DCAF8L2: variants seen among roughly 807,000 people sequenced by gnomAD.
DCAF8L2 encodes the protein DDB1- and CUL4-associated factor 8-like protein 2.
For missense variants in DCAF8L2, 430 were observed against 490.7 expected (o/e 0.88, Z 1.17); for synonymous variants, 200 against 190.9 (o/e 1.05, Z -0.39).
At chrX:27,568,833 C>A in the DCAF8L2 span, among the ~76,000 whole-genome samples, 1 of 107,196 alleles carries the variant, frequency 9.3e-6, no homozygotes, top group South Asian at 4.3e-4. Context: ...CCCCCCACCC[C>A]ACAACAGGCC....
intron 1 of DCAF8L2, among the ~76,000 whole-genome samples, chrX:27,620,645 A>G (rs2147154317): frequency 8.9e-6 from 1 of 112,283 alleles, no homozygotes; most frequent in South Asian, 3.7e-4. Context: ...CAGGGTAGCT[A>G]CTATAAAACA....
intron 4 of DCAF8L2, among the ~76,000 whole-genome samples, chrX:27,740,022 T>C (rs1414887110): frequency 9.0e-6 from 1 of 111,142 alleles, no homozygotes; most frequent in African/African-American, 3.3e-5. Context: ...CCCCTTTTCG[T>C]CTCAGGTTTT....
chrX:27,561,885 A>G, the DCAF8L2 span, among the ~76,000 whole-genome samples: 1 of 111,945 alleles, frequency 8.9e-6, no homozygotes, highest in African/African-American at 3.2e-5. Context: ...GAACATTTCA[A>G]TACAAGTTTT....
At chrX:27,656,694 AT>A (rs1929366415) in intron 2 of DCAF8L2, among the ~76,000 whole-genome samples, 1 of 111,694 alleles carries the variant, frequency 9.0e-6, no homozygotes, top group Non-Finnish European at 1.9e-5. Context: ...ACAAAATAAT[AT>A]TCTTTTCTTA....
chrX:27,584,490 T>G, the DCAF8L2 span, among the ~76,000 whole-genome samples: 4 of 52,828 alleles, frequency 7.6e-5, no homozygotes, highest in Non-Finnish European at 1.3e-4. Flanking sequence ...CTGAATATGC[T>G]CAATAATCCC....
chrX:27,514,453 A>C, the DCAF8L2 span, among the ~76,000 whole-genome samples: 9 of 108,292 alleles, frequency 8.3e-5, no homozygotes, highest in Non-Finnish European at 1.7e-4. Context: ...GCGGATCACG[A>C]GGTCAGGAGA....
the DCAF8L2 span, among the ~76,000 whole-genome samples, chrX:27,547,321 G>A: frequency 0.096 from 10,689 of 111,401 alleles, 407 homozygotes; most frequent in Non-Finnish European, 0.12. Context: ...GTCTTCTTCT[G>A]AGCCCTCCAA....
chrX:27,611,810 A>G (rs1422279528), intron 1 of DCAF8L2, among the ~76,000 whole-genome samples: 1 of 111,167 alleles, frequency 9.0e-6, no homozygotes. Context: ...TCCATGGTGT[A>G]TATGTGCCAC....
intron 1 of DCAF8L2, among the ~76,000 whole-genome samples, chrX:27,618,321 G>A (rs898944214): frequency 3.6e-5 from 4 of 111,182 alleles, no homozygotes; most frequent in Non-Finnish European, 5.7e-5. Context: ...ATGCTGCATG[G>A]GGGTAACACA....
intron 2 of DCAF8L2, chrX:27,632,683 G>A (rs1489909922): frequency 9.0e-6 from 1 of 111,002 alleles, no homozygotes. Flanking sequence ...CTTTGCTCAA[G>A]TCCCACCTCC....
intron 3 of DCAF8L2, among the ~76,000 whole-genome samples, chrX:27,713,597 T>C (rs1931600681): frequency 8.9e-6 from 1 of 111,868 alleles, no homozygotes; most frequent in African/African-American, 3.2e-5. Context: ...GAAGTAACAT[T>C]ATACATTGTT....
chrX:27,738,211 T>C (rs1289075010), intron 4 of DCAF8L2, among the ~76,000 whole-genome samples: 1 of 102,334 alleles, frequency 9.8e-6, no homozygotes, highest in East Asian at 2.8e-4. Context: ...ATTAAGGAAA[T>C]AGCTTGTAAG....
chrX:27,500,085 A>G, the DCAF8L2 span, among the ~76,000 whole-genome samples: 82 of 111,916 alleles, frequency 7.3e-4, no homozygotes, highest in African/African-American at 2.6e-3. Context: ...CTTCTAAAGT[A>G]TAGTTTTGCA....
chrX:27,581,636 T>C, the DCAF8L2 span, among the ~76,000 whole-genome samples: 1 of 106,477 alleles, frequency 9.4e-6, no homozygotes, highest in African/African-American at 3.4e-5. Flanking sequence ...CAGGCTGGAG[T>C]GCAGTGGCAC....
rs746674481 is a variant in DCAF8L2, at chrX:27,748,882, A to G, written c.*91A>G. 2.1e-3 allele frequency: 2,132 copies of G among 1,025,026 alleles called. 3 individuals are homozygous for G. Among genetic ancestry groups the G allele is most frequent in the Non-Finnish European group, 2.6e-3 (2,019 of 780,464 alleles). The allele number at this position is 1,025,026 out of a possible 1,213,427, so 84.5% of individuals were successfully genotyped here. A position where few individuals can be genotyped will look rare whatever the true frequency, so the allele number is the denominator to read the frequency against. On this transcript the variant is annotated 3_prime_UTR_variant, in exon 5 of 5. Transcript: ENST00000451261. Reference sequence around the variant, plus strand: ...AATTTAGAATTGTCAATAGATTAATAGATTTGCTTTTTGTCTTCTATTTTC... The same window carrying G: ...AATTTAGAATTGTCAATAGATTAATGGATTTGCTTTTTGTCTTCTATTTTC...
In DCAF8L2 at chrX:27,749,586, GC is replaced by G. The variant is rs1922462788; in HGVS notation, c.*796del. Among the ~76,000 whole-genome samples the G allele has an allele frequency of 1.8e-5, 2 of 112,013 alleles. No homozygotes were observed. Among genetic ancestry groups the G allele is most frequent in the Admixed American group, 9.5e-5 (1 of 10,528 alleles). ...GATCACATGACATTGTTTACTCTGT[GC>G]ATTAAGTTTTCTTGAAGTTTTAAGG... On this transcript the variant is annotated 3_prime_UTR_variant, in exon 5 of 5. Coordinates refer to ENST00000451261, the MANE Select transcript of DCAF8L2 (RefSeq NM_001353450.2).
Position 27,747,296 on chromosome X carries a change from AGGAG to A in DCAF8L2, c.403_406del (p.Glu135ArgfsTer30). 4 of 1,002,736 alleles carry A rather than the reference AGGAG, an allele frequency of 4.0e-6. No homozygotes were observed. The East Asian group carries it at 1.1e-4, about 28-fold the overall frequency. The allele number at this position is 1,002,736 out of a possible 1,213,427, so 82.6% of individuals were successfully genotyped here. On this transcript the variant is annotated frameshift_variant, in exon 5 of 5. Coordinates refer to ENST00000451261, the MANE Select transcript of DCAF8L2 (RefSeq NM_001353450.2). LOFTEE classifies it low-confidence loss of function (END_TRUNC). ...GAGGAGGAGGAAGAGGAGGAGGAGG[AGGAG>A]GAGGAGGAGGAGGAGGAGGAGGAGG...
chrX:27,555,876 C>T, the DCAF8L2 span, among the ~76,000 whole-genome samples: 1 of 110,926 alleles, frequency 9.0e-6, no homozygotes, highest in African/African-American at 3.3e-5. Flanking sequence ...CTTCCTCGGC[C>T]CTTAAAACAC....
At chrX:27,746,490 C>T (rs1430905682) in intron 4 of DCAF8L2, among the ~76,000 whole-genome samples, 1 of 111,815 alleles carries the variant, frequency 8.9e-6, no homozygotes, top group Non-Finnish European at 1.9e-5. Flanking sequence ...CACTGAGAGG[C>T]TTCTAAAAAC....
Sources: gnomAD v4.1 joint callset for allele counts (sites outside exome capture counted in the v4.1 genomes callset) on GRCh38, gnomAD v4.1.1 for gene constraint, MANE v1.5 for transcripts, NCBI Gene and HGNC (gene_info 2026-07-23, HGNC 2026-07-21) for gene names.